Variants in ZNF783 observed in about 807,000 individuals in gnomAD.
ZNF783 encodes protein ZNF783.
ZNF783 carries 25 observed loss-of-function variants against 31.3 expected under a neutral mutation model. The observed-to-expected ratio is 0.80, with a 90% CI of 0.58 to 1.11. The LOEUF (loss-of-function observed/expected upper bound fraction) is 1.11. Ranked by LOEUF, ZNF783 falls within the 50% of genes most tolerant of loss-of-function variation. The pLI, the probability that ZNF783 is intolerant of heterozygous loss-of-function variation, is 0.00. For missense variants in ZNF783, 797 were observed against 760.0 expected (o/e 1.05, Z -0.57); for synonymous variants, 369 against 319.1 (o/e 1.16, Z -1.66).
chr7:149,270,037 A>T (rs182606882), intron 4 of ZNF783, among the ~76,000 whole-genome samples: 1 of 152,124 alleles, frequency 6.6e-6, no homozygotes. Flanking sequence ...TCCATGGTGT[A>T]TATGTGCCAC....
At position 149,281,730 on chromosome 7, in the gene ZNF783, G is replaced by A. The variant is rs554931058; in HGVS notation, c.1028G>A (p.Arg343His). The A allele has an allele frequency of 2.7e-6, 4 of 1,477,358 alleles. No homozygotes were observed. The Admixed American group carries it at 7.5e-5, about 28-fold the overall frequency. The allele number at this position is 1,477,358 out of a possible 1,614,324, so 91.5% of individuals were successfully genotyped here. The change falls in exon 6 of 6, where the codon CGC becomes CAC. Residue 343 changes from arginine (R) to histidine (H), a missense_variant. Arg to His is a conservative substitution (Grantham distance 29). Coordinates refer to ENST00000434415, the MANE Select transcript of ZNF783 (RefSeq NM_001195220.2). ...GGGGAGACGCCCCGAGTCCTCTCCC[G>A]CAGGCGGCAGCGGGCATTCCCCTGC... Reference protein sequence around the residue: ...ASGETPRVLSRRRQRAFPCPD... With the variant: ...ASGETPRVLSHRRQRAFPCPD...
rs1797462755 is a variant in ZNF783, at chr7:149,281,502, C to T, written c.803-3C>T. On this transcript the variant is annotated splice_region_variant and splice_polypyrimidine_tract_variant and intron_variant, in intron 5 of 5. Coordinates refer to ENST00000434415, the MANE Select transcript of ZNF783 (RefSeq NM_001195220.2). ...TGGAAACCAACATAGACTCCTTTGC[C>T]AGGTGGTGGTGTGGCCATCAAGACA... 1.4e-6 allele frequency: 2 copies of T among 1,436,172 alleles called. No homozygotes were observed. The highest frequency in any genetic ancestry group is 3.1e-5 in the South Asian group (2 of 64,970). The allele number at this position is 1,436,172 out of a possible 1,614,324, so 89.0% of individuals were successfully genotyped here.
rs2129525254 is a variant in ZNF783 at position 149,282,171 on chromosome 7, G to C, written c.1469G>C (p.Gly490Ala). Residue 490 changes from glycine (G) to alanine (A), a missense_variant, in exon 6 of 6, where the codon GGT becomes GCT. Physicochemically the swap from Gly to Ala is moderately conservative, Grantham distance 60. Transcript: ENST00000434415. ...DLFRHQRIHTGERPYQCPQCG... is the reference protein window; with the variant it reads ...DLFRHQRIHTAERPYQCPQCG... The stretch of plus-strand genomic sequence containing the variant: ...TTCCGGCACCAGCGCATCCACACCG[G>C]TGAGCGGCCCTACCAGTGCCCCCAG... 2 of 1,601,058 alleles carry C rather than the reference G, an allele frequency of 1.2e-6. No individual in the cohort carries two copies. Among genetic ancestry groups the C allele is most frequent in the Non-Finnish European group, 1.7e-6 (2 of 1,179,558 alleles).
rs1278992063 is a variant in ZNF783 at position 149,283,321 on chromosome 7, G to T, written c.*978G>T. The stretch of plus-strand genomic sequence containing the variant: ...TCTTGGCTGCTGTCTTGGAGGCACA[G>T]TGTCTCCCCATGTGTGTGTTTCTTG... On this transcript the variant is annotated 3_prime_UTR_variant, in exon 6 of 6. Transcript: ENST00000434415. The T allele has an allele frequency of 6.6e-6, 1 of 152,362 alleles. No individual in the cohort carries two copies. The highest frequency in any genetic ancestry group is 1.5e-5 in the Non-Finnish European group (1 of 68,180). The allele number at this position is 152,362 out of a possible 1,614,324, so 9.4% of individuals were successfully genotyped here. A position where few individuals can be genotyped will look rare whatever the true frequency, so the allele number is the denominator to read the frequency against.
At chr7:149,278,578 G>A in intron 5 of ZNF783, 51 bp downstream of exon 5, 9 of 1,596,120 alleles carry the variant, frequency 5.6e-6, no homozygotes, top group African/African-American at 1.3e-5. Flanking sequence ...GAGGCAGCAC[G>A]CGATCACCAA....
intron 4 of ZNF783, among the ~76,000 whole-genome samples, chr7:149,268,758 T>G (rs965950969): frequency 1.3e-5 from 2 of 152,238 alleles, no homozygotes; most frequent in Non-Finnish European, 2.9e-5. Flanking sequence ...AGCTTCATGT[T>G]GCTGCACAGG....
intron 4 of ZNF783, among the ~76,000 whole-genome samples, chr7:149,273,323 C>G (rs1003873047): frequency 9.9e-5 from 15 of 152,230 alleles, no homozygotes; most frequent in African/African-American, 3.6e-4. Context: ...TGAGGCACCT[C>G]CATACTGTTC....
chr7:149,278,855 G>T (rs1797392956), intron 5 of ZNF783, among the ~76,000 whole-genome samples: 1 of 152,144 alleles, frequency 6.6e-6, no homozygotes, highest in South Asian at 2.1e-4. Context: ...CTTTACGAGG[G>T]TCCCATCCAC....
intron 5 of ZNF783, among the ~76,000 whole-genome samples, chr7:149,279,932 A>T (rs1255186068): frequency 6.6e-6 from 1 of 151,856 alleles, no homozygotes; most frequent in East Asian, 1.9e-4. Flanking sequence ...CCCCCTTTCT[A>T]TTCCACAAAA....
At chr7:149,274,149 A>G (rs1272173692) in intron 4 of ZNF783, among the ~76,000 whole-genome samples, 1 of 152,128 alleles carries the variant, frequency 6.6e-6, no homozygotes, top group South Asian at 2.1e-4. Context: ...TGCCCAGAAC[A>G]ATGTCCTGGA....
At chr7:149,279,537 G>A (rs1474181958) in intron 5 of ZNF783, among the ~76,000 whole-genome samples, 1 of 152,028 alleles carries the variant, frequency 6.6e-6, no homozygotes, top group African/African-American at 2.4e-5. Flanking sequence ...GGCTGTGCAC[G>A]CTGCAAGCCG....
chr7:149,270,151 A>G (rs1797177412), intron 4 of ZNF783, among the ~76,000 whole-genome samples: 1 of 152,236 alleles, frequency 6.6e-6, no homozygotes, highest in Non-Finnish European at 1.5e-5. Flanking sequence ...GTGTCTTTAT[A>G]GCAGCATGAT....
intron 4 of ZNF783, among the ~76,000 whole-genome samples, chr7:149,268,482 TAAA>T (rs530166020): frequency 1.1e-4 from 17 of 152,160 alleles, no homozygotes; most frequent in Non-Finnish European, 2.2e-4. Context: ...TGAGTACTTT[TAAA>T]AAAAATTTCA....
chr7:149,269,344 A>C (rs62505139), intron 4 of ZNF783, among the ~76,000 whole-genome samples: 2,791 of 152,292 alleles, frequency 0.018, 40 homozygotes, highest in Non-Finnish European at 0.032. Context: ...CATAGTTTCC[A>C]GATATTTTCT....
At chr7:149,269,939 C>T (rs943199594) in intron 4 of ZNF783, among the ~76,000 whole-genome samples, 3 of 150,958 alleles carry the variant, frequency 2.0e-5, no homozygotes, top group Admixed American at 6.6e-5. Flanking sequence ...TTTGTCCTTG[C>T]GATAGTTTGC....
chr7:149,269,712 C>A (rs1377806472), intron 4 of ZNF783, among the ~76,000 whole-genome samples: 1 of 152,050 alleles, frequency 6.6e-6, no homozygotes, highest in Non-Finnish European at 1.5e-5. Context: ...GGTGCATGTG[C>A]ACAATGTGCA....
At position 149,282,276 on chromosome 7, in the gene ZNF783, TC is replaced by T; in HGVS notation, c.1577del (p.Pro526LeufsTer39). On this transcript the variant is annotated frameshift_variant, in exon 6 of 6. Transcript: ENST00000434415. LOFTEE classifies it low-confidence loss of function (END_TRUNC). Reference protein sequence around the residue: ...THARGQVGPHFPAAPARHGSL... With the variant: ...THARGQVGPHXPAAPARHGSL... ...GCCCGAGGCCAGGTGGGCCCACACT[TC>T]CCTGCCGCCCCCGCCCGCCACGGGA... The T allele has an allele frequency of 6.3e-7, 1 of 1,580,268 alleles. No individual in the cohort carries two copies. Among genetic ancestry groups the T allele is most frequent in the African/African-American group, 1.3e-5 (1 of 74,442 alleles).
In ZNF783 at chr7:149,266,479, G is replaced by A. The variant is rs757073533; in HGVS notation, c.169G>A (p.Val57Met). 1.2e-6 allele frequency: 2 copies of A among 1,612,378 alleles called. No individual in the cohort carries two copies. Among genetic ancestry groups the A allele is most frequent in the South Asian group, 1.1e-5 (1 of 91,074 alleles). Residue 57 changes from valine (V) to methionine (M), a missense_variant, in exon 2 of 6, where the codon GTG becomes ATG. Transcript: ENST00000434415. ...CGCCATTCAGGCCTTGGAGAAGAAG[G>A]TGGATTCCTGCCTGACCCGCTTGCT... ...VAAIQALEKK[V>M]DSCLTRLLTL... is the part of the protein sequence containing the mutation.
Position 149,281,598 on chromosome 7 carries a change from G to T in ZNF783, c.896G>T (p.Cys299Phe). The change falls in exon 6 of 6, where the codon TGT (cysteine) becomes TTT (phenylalanine). Residue 299 changes from cysteine (C) to phenylalanine (F), a missense_variant. Cys to Phe is a radical substitution (Grantham distance 205). Transcript: ENST00000434415. ...GGGGTGTCCCGAGGCCAGACCGAGTGTAGAATCCCCCGAGGGCCCAGGAAC... is the reference window on the plus strand; with the variant it reads ...GGGGTGTCCCGAGGCCAGACCGAGTTTAGAATCCCCCGAGGGCCCAGGAAC... ...FLGVSRGQTE[C>F]RIPRGPRNRP... is the part of the protein sequence containing the mutation. The T allele has an allele frequency of 6.5e-7, 1 of 1,541,282 alleles. No homozygotes were observed. The highest frequency in any genetic ancestry group is 8.6e-7 in the Non-Finnish European group (1 of 1,156,170).
Sources: gnomAD v4.1 joint callset for allele counts (sites outside exome capture counted in the v4.1 genomes callset) on GRCh38, gnomAD v4.1.1 for gene constraint, MANE v1.5 for transcripts, NCBI Gene and HGNC (gene_info 2026-07-23, HGNC 2026-07-21) for gene names.